The following ENTREP2 variants were observed in gnomAD, a reference collection of about 807,000 sequenced individuals.
The protein encoded by ENTREP2 is endosomal transmembrane epsin interactor 2.
At chr15:29,423,551 G>A in the ENTREP2 span, among the ~76,000 whole-genome samples, 1 of 151,720 alleles carries the variant, frequency 6.6e-6, no homozygotes, top group Non-Finnish European at 1.5e-5. Flanking sequence ...ACTTCAGGAG[G>A]CCAAGGCGGG....
the ENTREP2 span, among the ~76,000 whole-genome samples, chr15:29,223,546 G>T: frequency 6.6e-6 from 1 of 152,132 alleles, no homozygotes; most frequent in East Asian, 1.9e-4. Flanking sequence ...CGTGTAACTG[G>T]ATATCAGTTT....
the ENTREP2 span, among the ~76,000 whole-genome samples, chr15:29,311,258 TTTCTGAATTTATGACCACA>T: frequency 6.6e-6 from 1 of 152,242 alleles, no homozygotes; most frequent in Non-Finnish European, 1.5e-5. Flanking sequence ...GATCGATAGA[TTTCTGAATTTATGACCACA>T]TAACAGTCTG....
At chr15:29,337,611 A>G in the ENTREP2 span, among the ~76,000 whole-genome samples, 2 of 152,232 alleles carry the variant, frequency 1.3e-5, no homozygotes, top group East Asian at 1.9e-4. Context: ...ACATTTCCAC[A>G]TTCCCTGTGG....
At chr15:29,322,101 T>C in the ENTREP2 span, among the ~76,000 whole-genome samples, 2 of 152,060 alleles carry the variant, frequency 1.3e-5, no homozygotes, top group Non-Finnish European at 2.9e-5. Flanking sequence ...GAAGGTAAAA[T>C]AAAGTCTTAT....
the ENTREP2 span, among the ~76,000 whole-genome samples, chr15:29,442,301 TA>T: frequency 6.6e-6 from 1 of 152,038 alleles, no homozygotes; most frequent in Admixed American, 6.5e-5. Flanking sequence ...GCCATCTGGG[TA>T]AAGACTGGGT....
At chr15:29,258,444 T>C in the ENTREP2 span, among the ~76,000 whole-genome samples, 33 of 151,326 alleles carry the variant, frequency 2.2e-4, no homozygotes, top group African/African-American at 7.3e-4. Flanking sequence ...ACAACACAGA[T>C]GCTACGAAAG....
the ENTREP2 span, among the ~76,000 whole-genome samples, chr15:29,257,039 TTTTA>T: frequency 6.9e-6 from 1 of 145,030 alleles, no homozygotes; most frequent in Non-Finnish European, 1.5e-5. Context: ...CAGTTTATTT[TTTTA>T]TTATTTATTT....
the ENTREP2 span, among the ~76,000 whole-genome samples, chr15:29,456,470 T>A: frequency 6.6e-6 from 1 of 152,154 alleles, no homozygotes; most frequent in Non-Finnish European, 1.5e-5. Flanking sequence ...AGGCTATTTT[T>A]TGTCTGAAAC....
chr15:29,450,984 G>GA, the ENTREP2 span, among the ~76,000 whole-genome samples: 5,644 of 144,546 alleles, frequency 0.039, 134 homozygotes, highest in South Asian at 0.11. Flanking sequence ...AGAGATTCAG[G>GA]AAAAAAAAAA....
the ENTREP2 span, among the ~76,000 whole-genome samples, chr15:29,279,231 G>A: frequency 6.6e-6 from 1 of 152,154 alleles, no homozygotes; most frequent in East Asian, 1.9e-4. Context: ...ACTGCAGAGT[G>A]TTAGTAAGTT....
At chr15:29,354,472 T>A in the ENTREP2 span, among the ~76,000 whole-genome samples, 1 of 152,176 alleles carries the variant, frequency 6.6e-6, no homozygotes, top group East Asian at 1.9e-4. Context: ...AAGACATACA[T>A]ATGTGTACAC....
the ENTREP2 span, among the ~76,000 whole-genome samples, chr15:29,572,136 C>T: frequency 2.0e-5 from 3 of 152,326 alleles, no homozygotes; most frequent in South Asian, 4.1e-4. Context: ...TAGCTCAAGC[C>T]TTTATCAGCC....
At chr15:29,505,998 G>T in the ENTREP2 span, among the ~76,000 whole-genome samples, 1 of 152,086 alleles carries the variant, frequency 6.6e-6, no homozygotes, top group African/African-American at 2.4e-5. This position sits in a 1 kb window ranked among gnomAD's most constrained non-coding sequence, Gnocchi z 4.3. Flanking sequence ...CCAATGCAAG[G>T]ACGCTAAGAG....
At chr15:29,584,761 TTAA>T in the ENTREP2 span, among the ~76,000 whole-genome samples, 2 of 152,312 alleles carry the variant, frequency 1.3e-5, no homozygotes, top group African/African-American at 4.8e-5. Context: ...CTGATTATTG[TTAA>T]TAACACTGTA....
chr15:29,289,300 A>G, the ENTREP2 span, among the ~76,000 whole-genome samples: 1 of 152,180 alleles, frequency 6.6e-6, no homozygotes, highest in African/African-American at 2.4e-5. Context: ...TCAAGTAAGC[A>G]TGAAAAGGCA....
the ENTREP2 span, among the ~76,000 whole-genome samples, chr15:29,637,865 C>A: frequency 0.046 from 7,048 of 152,240 alleles, 188 homozygotes; most frequent in South Asian, 0.066. Flanking sequence ...GCACTGCCAA[C>A]GCTGGTCCAT....
At chr15:29,397,218 T>C in the ENTREP2 span, among the ~76,000 whole-genome samples, 1 of 151,942 alleles carries the variant, frequency 6.6e-6, no homozygotes. Context: ...TGGTGAAACC[T>C]GTCTCCACTA....
the ENTREP2 span, among the ~76,000 whole-genome samples, chr15:29,560,046 G>A: frequency 6.6e-6 from 1 of 152,186 alleles, no homozygotes; most frequent in Non-Finnish European, 1.5e-5. Flanking sequence ...GTGTGAAGGG[G>A]AAATTGAGAG....
the ENTREP2 span, among the ~76,000 whole-genome samples, chr15:29,214,373 A>T: frequency 5.9e-5 from 9 of 152,196 alleles, no homozygotes; most frequent in Admixed American, 4.6e-4. Flanking sequence ...AAAAGGATGA[A>T]TTCATGTCCT....
Sources: allele counts gnomAD v4.1 joint callset (sites outside exome capture counted in the v4.1 genomes callset), GRCh38; gene constraint gnomAD v4.1.1; non-coding constraint Gnocchi (gnomAD v3.1); transcripts MANE v1.5; gene names NCBI Gene and HGNC (gene_info 2026-07-23, HGNC 2026-07-21).